Variants in COL21A1 observed in about 807,000 individuals in gnomAD.
COL21A1 encodes collagen alpha-1(XXI) chain.
In COL21A1, 149 loss-of-function variants were observed where a neutral mutation model predicts 137.9. That is an observed-to-expected ratio of 1.08 (90% CI 0.95 to 1.24). The LOEUF (loss-of-function observed/expected upper bound fraction) is 1.24. COL21A1 is among the 50% of genes most tolerant of loss of function. The probability of loss-of-function intolerance (pLI) is 0.00; values close to 1 mark genes in which losing one functional copy is unlikely to be tolerated. For synonymous variants in COL21A1, 456 were observed against 391.5 expected (o/e 1.16, Z -1.95); for missense variants, 1,167 against 1,158.4 (o/e 1.01, Z -0.11).
At chr6:56,385,993 G>T (rs190281000) in intron 1 of COL21A1, among the ~76,000 whole-genome samples, 2 of 151,428 alleles carry the variant, frequency 1.3e-5, no homozygotes, top group Non-Finnish European at 2.9e-5. Context: ...TCCACCTCCC[G>T]GGTTCAAGCG....
chr6:56,284,099 G>A (rs1763848495), intron 1 of COL21A1, among the ~76,000 whole-genome samples: 1 of 152,300 alleles, frequency 6.6e-6, no homozygotes, highest in East Asian at 1.9e-4. Context: ...CCAGGCTGTA[G>A]TGCAGTGACA....
intron 25 of COL21A1, 146 bp downstream of exon 25, chr6:56,061,503 A>C: frequency 1.9e-6 from 1 of 522,832 alleles, no homozygotes; most frequent in Non-Finnish European, 3.5e-6. Context: ...TTCTGAAAAC[A>C]ATTAATTGGG....
chr6:56,156,991 G>C (rs749728934), intron 9 of COL21A1, 42 bp from the exon 10 acceptor site: 2 of 1,402,214 alleles, frequency 1.4e-6, no homozygotes, highest in Non-Finnish European at 2.0e-6. Flanking sequence ...AAAACAACCA[G>C]CCACATTGGT....
At chr6:56,115,212 T>C (rs1771813267) in intron 16 of COL21A1, among the ~76,000 whole-genome samples, 1 of 150,626 alleles carries the variant, frequency 6.6e-6, no homozygotes, top group South Asian at 2.1e-4. Flanking sequence ...AGTTAGTGGG[T>C]GCAGCGCACC....
chr6:56,109,101 A>G (rs1771192815), intron 16 of COL21A1, among the ~76,000 whole-genome samples: 3 of 151,940 alleles, frequency 2.0e-5, no homozygotes, highest in South Asian at 2.1e-4. Flanking sequence ...CAGTTTAACT[A>G]CTTAGATAAA....
chr6:56,083,316 C>T (rs1767951690), intron 17 of COL21A1, among the ~76,000 whole-genome samples: 1 of 151,980 alleles, frequency 6.6e-6, no homozygotes, highest in Admixed American at 6.6e-5. Flanking sequence ...GGGGCAACTA[C>T]ATTCCTTGGT....
intron 10 of COL21A1, among the ~76,000 whole-genome samples, chr6:56,145,784 C>A (rs1462365797): frequency 6.6e-6 from 1 of 151,966 alleles, no homozygotes; most frequent in African/African-American, 2.4e-5. Flanking sequence ...ATCCACCCTA[C>A]CCCCATCTGC....
At chr6:56,213,702 C>T (rs1414963509) in intron 1 of COL21A1, among the ~76,000 whole-genome samples, 1 of 151,978 alleles carries the variant, frequency 6.6e-6, no homozygotes. Flanking sequence ...ATACATTTTT[C>T]GTGTGTGTAC....
At chr6:56,244,207 C>A (rs1782514475) in intron 1 of COL21A1, among the ~76,000 whole-genome samples, 1 of 152,134 alleles carries the variant, frequency 6.6e-6, no homozygotes, top group Admixed American at 6.5e-5. Context: ...CTGCTCTGGA[C>A]CCTATACCTA....
chr6:56,089,968 G>T (rs1160706712), intron 17 of COL21A1, among the ~76,000 whole-genome samples: 1 of 152,192 alleles, frequency 6.6e-6, no homozygotes, highest in Admixed American at 6.5e-5. Context: ...CTGGCTGGGC[G>T]CAGTGGCTCA....
chr6:56,390,129 G>A lies in COL21A1; in HGVS notation c.-39+3842C>T, dbSNP rs115823311. Among the ~76,000 whole-genome samples the A allele has an allele frequency of 4.9e-3, 743 of 152,100 alleles. 7 individuals carry two copies. Among genetic ancestry groups the A allele is most frequent in the South Asian group, 0.036 (174 of 4,808 alleles). On this transcript the variant is annotated intron_variant, in intron 1 of 28. Coordinates refer to the COL21A1 transcript ENST00000370819. Reference sequence around the variant, plus strand: ...AAGAATAACCACAACAACTTTTTACGAGATAGACAATATAAAAAGATATAA... The same window carrying A: ...AAGAATAACCACAACAACTTTTTACAAGATAGACAATATAAAAAGATATAA...
chr6:56,295,863 G>A (rs369522394), intron 1 of COL21A1, among the ~76,000 whole-genome samples: 79 of 151,962 alleles, frequency 5.2e-4, no homozygotes, highest in African/African-American at 1.8e-3. Flanking sequence ...TTTCCACATA[G>A]ACAATCATGT....
At chr6:56,135,258 T>C (rs970043120) in intron 12 of COL21A1, among the ~76,000 whole-genome samples, 17 of 151,940 alleles carry the variant, frequency 1.1e-4, no homozygotes, top group African/African-American at 3.9e-4. Context: ...ATGAAATGCA[T>C]ATAAAAATCA....
chr6:56,180,168 A>G, intron 2 of COL21A1, 39 bp from the exon 3 acceptor site: 6 of 1,495,666 alleles, frequency 4.0e-6, no homozygotes, highest in Non-Finnish European at 5.4e-6. Flanking sequence ...CATCTTTTAT[A>G]TAAAAAGCAA....
intron 1 of COL21A1, among the ~76,000 whole-genome samples, chr6:56,273,173 T>C (rs1763566780): frequency 6.6e-6 from 1 of 152,190 alleles, no homozygotes; most frequent in Non-Finnish European, 1.5e-5. Context: ...TAAAAAGTTA[T>C]TTGAAATTAA....
chr6:56,128,594 G>A (rs1263373514), intron 12 of COL21A1, among the ~76,000 whole-genome samples: 3 of 152,194 alleles, frequency 2.0e-5, no homozygotes, highest in Non-Finnish European at 2.9e-5. Flanking sequence ...TGGAGGCCAC[G>A]TAGAGAAAGA....
intron 1 of COL21A1, among the ~76,000 whole-genome samples, chr6:56,358,107 T>C (rs1057061555): frequency 6.6e-6 from 1 of 152,208 alleles, no homozygotes; most frequent in African/African-American, 2.4e-5. Flanking sequence ...TTTAGCAATA[T>C]TTCAGTTGCA....
chr6:56,181,778 A>G (rs1325292446), intron 2 of COL21A1, among the ~76,000 whole-genome samples: 2 of 152,168 alleles, frequency 1.3e-5, no homozygotes, highest in East Asian at 1.9e-4. Flanking sequence ...CTGCCCTCAC[A>G]AGCTGTATGA....
chr6:56,068,229 G>A (rs1319506774), intron 22 of COL21A1, among the ~76,000 whole-genome samples: 1 of 151,522 alleles, frequency 6.6e-6, no homozygotes, highest in Non-Finnish European at 1.5e-5. Flanking sequence ...GCACCATGTA[G>A]ACAACACATG....
Sources: allele counts gnomAD v4.1 joint callset (sites outside exome capture counted in the v4.1 genomes callset), GRCh38; gene constraint gnomAD v4.1.1; transcripts MANE v1.5; gene names NCBI Gene and HGNC (gene_info 2026-07-23, HGNC 2026-07-21).